TBL3: variants seen among roughly 807,000 people sequenced by gnomAD.
TBL3 encodes the protein transducin beta-like protein 3.
TBL3 carries 71 observed loss-of-function variants against 102.7 expected under a neutral mutation model. The observed-to-expected ratio is 0.69, with a 90% confidence interval of 0.57 to 0.84. The LOEUF (loss-of-function observed/expected upper bound fraction) is 0.84. Ranked by LOEUF, TBL3 falls within the 40% of genes least tolerant of loss-of-function variation. The pLI, the probability that TBL3 is intolerant of heterozygous loss-of-function variation, is 0.00. For synonymous variants in TBL3, 578 were observed against 477.7 expected (o/e 1.21, Z -2.74); for missense variants, 1,188 against 1,098.5 (o/e 1.08, Z -1.15).
At position 1,978,878 on chromosome 16, in the gene TBL3, AGATCCAGCCCGCGGCTCCGCAC is replaced by A; in HGVS notation, c.*195_*216del. 2.8e-6 allele frequency: 3 copies of A among 1,072,656 alleles called. No homozygotes were observed. Among genetic ancestry groups the A allele is most frequent in the Non-Finnish European group, 4.0e-6 (3 of 757,400 alleles). The allele number at this position is 1,072,656 out of a possible 1,614,324, so 66.4% of individuals were successfully genotyped here. On this transcript the variant is annotated 3_prime_UTR_variant, in exon 22 of 22. Transcript: ENST00000568546. Reference sequence around the variant, plus strand: ...CCCATCCCGCACCCTGGCCTGGCAGAGATCCAGCCCGCGGCTCCGCACGCTTAGACGGTGGGGGTCATGCAGA... The same window carrying A: ...CCCATCCCGCACCCTGGCCTGGCAGAGCTTAGACGGTGGGGGTCATGCAGA...
rs761949601 is a variant in TBL3 at position 1,981,195 on chromosome 16, G to T, written c.*2510G>T. 1.5e-5 allele frequency: 25 copies of T among 1,613,460 alleles called. No homozygotes were observed. The highest frequency in any genetic ancestry group is 2.0e-5 in the Non-Finnish European group (24 of 1,179,990). ...GGCCTGCCATGGCTGTGGCTTCCAG[G>T]CTGCAGATTCCTGAAATGGGCGAGG... On this transcript the variant is annotated 3_prime_UTR_variant, in exon 22 of 22. Transcript: ENST00000568546.
At chr16:1,976,748 TG>T (rs1372476901) in intron 13 of TBL3, 65 bp from the exon 14 acceptor site, 3 of 1,590,900 alleles carry the variant, frequency 1.9e-6, no homozygotes, top group East Asian at 4.5e-5. Flanking sequence ...CCTGGCCCTG[TG>T]GGGAGCTGGC....
chr16:1,978,619 C>T lies in TBL3; in HGVS notation c.2361C>T (p.Asn787=). 2 of 1,612,854 alleles carry T rather than the reference C, an allele frequency of 1.2e-6. No homozygotes were observed. The highest frequency in any genetic ancestry group is 1.7e-6 in the Non-Finnish European group (2 of 1,179,884). The change falls in exon 22 of 22, where the codon AAC becomes AAT. Residue 787 remains asparagine, a synonymous_variant. Transcript: ENST00000568546. ...CTTTCTTGGACTTCCTGTGGCACAACATGAAGCTCCCTGTGCCGGCCGCCG... is the reference window on the plus strand; with the variant it reads ...CTTTCTTGGACTTCCTGTGGCACAATATGAAGCTCCCTGTGCCGGCCGCCG... ...AAAFLDFLWH[N]MKLPVPAAAP...
Position 1,981,983 on chromosome 16 carries a change from G to C in TBL3, c.*3298G>C, listed in dbSNP as rs1597060765. The C allele has an allele frequency of 6.6e-6, 1 of 152,070 alleles. No individual in the cohort carries two copies. Among genetic ancestry groups the C allele is most frequent in the African/African-American group, 2.4e-5 (1 of 41,398 alleles). 9.4% of individuals were successfully genotyped at this position (152,070 alleles called of 1,614,324 possible). Reference sequence around the variant, plus strand: ...TTTTGAGAACCACCTCTCAATTCACGATTTGCCATGACTTACTGCAAACAT... The same window carrying C: ...TTTTGAGAACCACCTCTCAATTCACCATTTGCCATGACTTACTGCAAACAT... On this transcript the variant is annotated 3_prime_UTR_variant, in exon 22 of 22. Coordinates refer to ENST00000568546, the MANE Select transcript of TBL3 (RefSeq NM_006453.3).
chr16:1,972,926 G>T (rs2083370801), intron 1 of TBL3, among the ~76,000 whole-genome samples: 1 of 152,146 alleles, frequency 6.6e-6, no homozygotes, highest in African/African-American at 2.4e-5. Context: ...AGCCCAGGCC[G>T]CGTACAGGGA....
rs2083481514 is a variant in TBL3 at position 1,980,484 on chromosome 16, A to G, written c.*1799A>G. 1 of 1,602,606 alleles carries G rather than the reference A, an allele frequency of 6.2e-7. No homozygotes were observed. Among genetic ancestry groups the G allele is most frequent in the Non-Finnish European group, 8.5e-7 (1 of 1,179,764 alleles). On this transcript the variant is annotated 3_prime_UTR_variant, in exon 22 of 22. Transcript: ENST00000568546. ...CAGCAGCCTCCGAGAATAGGTTTCC[A>G]ACAGCTGCAGGCGCGCCAGGCCGCG...
Position 1,979,144 on chromosome 16 carries a change from C to G in TBL3, c.*459C>G. ...CGCCGCTCCAGGGCCCTGCGTGTGACGGTGCAGCAGCGGCTCTGGATGGCG... is the reference window on the plus strand; with the variant it reads ...CGCCGCTCCAGGGCCCTGCGTGTGAGGGTGCAGCAGCGGCTCTGGATGGCG... On this transcript the variant is annotated 3_prime_UTR_variant, in exon 22 of 22. Transcript: ENST00000568546. 2 of 1,467,076 alleles carry G rather than the reference C, an allele frequency of 1.4e-6. No homozygotes were observed. Among genetic ancestry groups the G allele is most frequent in the Non-Finnish European group, 1.8e-6 (2 of 1,120,804 alleles). 90.9% of individuals were successfully genotyped at this position (1,467,076 alleles called of 1,614,324 possible).
Position 1,978,314 on chromosome 16 carries a change from G to C in TBL3, c.2136G>C (p.Glu712Asp). 6.2e-7 allele frequency: 1 copy of C among 1,609,842 alleles called. No individual in the cohort carries two copies. The highest frequency in any genetic ancestry group is 2.2e-5 in the East Asian group (1 of 44,808). The change falls in exon 21 of 22, where the codon GAG (glutamate) becomes GAC (aspartate). Residue 712 changes from glutamate to aspartate, a missense_variant and splice_region_variant. Physicochemically the swap from Glu to Asp is conservative, Grantham distance 45. Coordinates refer to ENST00000568546, the MANE Select transcript of TBL3 (RefSeq NM_006453.3). ...TMLRLRRDQK[E>D]ALLRFCVTWN... ...CGATGAGGGTCCTGTTGCCCACAGA[G>C]GCCCTGCTGCGCTTCTGCGTCACGT...
In TBL3 at chr16:1,981,829, CCT is replaced by C. The variant is rs1567333217; in HGVS notation, c.*3146_*3147del. The stretch of plus-strand genomic sequence containing the variant: ...CTATACATGCTGGGGGAGGGGCAGA[CCT>C]CACAGGCTCACCCCAGGGGTTCCCC... On this transcript the variant is annotated 3_prime_UTR_variant, in exon 22 of 22. Coordinates refer to ENST00000568546, the MANE Select transcript of TBL3 (RefSeq NM_006453.3). The C allele has an allele frequency of 6.6e-6, 1 of 152,596 alleles. No individual in the cohort carries two copies. Among genetic ancestry groups the C allele is most frequent in the East Asian group, 1.9e-4 (1 of 5,190 alleles). 9.5% of individuals were successfully genotyped at this position (152,596 alleles called of 1,614,324 possible).
chr16:1,975,492 C>T (rs768937909), intron 9 of TBL3, 37 bp from the exon 10 acceptor site: 2 of 1,603,794 alleles, frequency 1.2e-6, no homozygotes, highest in South Asian at 2.2e-5. Flanking sequence ...GGCCTGTGGA[C>T]CTGAGAGTCT....
rs375815285 is a variant in TBL3, at chr16:1,974,750, T to C, written c.380-13T>C. ...CTTTGGGCATTCCACCCCCTCACCT[T>C]GCTTCCCCGCAGGTGGCTGTGATGG... On this transcript the variant is annotated splice_polypyrimidine_tract_variant and intron_variant, in intron 5 of 21. Coordinates refer to ENST00000568546, the MANE Select transcript of TBL3 (RefSeq NM_006453.3). The C allele has an allele frequency of 3.1e-6, 5 of 1,612,200 alleles. No individual in the cohort carries two copies. The African/African-American group carries it at 5.3e-5, about 17-fold the overall frequency.
chr16:1,980,526 C>G lies in TBL3; in HGVS notation c.*1841C>G. The G allele has an allele frequency of 6.2e-7, 1 of 1,603,480 alleles. No homozygotes were observed. ...CAGGCCGCGGCTCGTGCGCCCCACG[C>G]GTCCCAACAGTGGTGCATCTTAAGG... is the stretch of plus-strand genomic sequence containing the variant. On this transcript the variant is annotated 3_prime_UTR_variant, in exon 22 of 22. Coordinates refer to ENST00000568546, the MANE Select transcript of TBL3 (RefSeq NM_006453.3).
At chr16:1,976,733 C>T (rs943440818) in intron 13 of TBL3, 81 bp from the exon 14 acceptor site, 3 of 1,571,300 alleles carry the variant, frequency 1.9e-6, no homozygotes, top group Non-Finnish European at 2.6e-6. Context: ...ACCGTGGGCT[C>T]CCAGCCTGGC....
In TBL3 at chr16:1,980,988, C is replaced by A; in HGVS notation, c.*2303C>A. The A allele has an allele frequency of 6.2e-7, 1 of 1,613,284 alleles. No homozygotes were observed. Among genetic ancestry groups the A allele is most frequent in the South Asian group, 1.1e-5 (1 of 91,088 alleles). ...ACTCCTGCGCACGAAGGTGTCGCTG[C>A]CGTCTGACCAGCGCACAGAGAAGGC... On this transcript the variant is annotated 3_prime_UTR_variant, in exon 22 of 22. Coordinates refer to ENST00000568546, the MANE Select transcript of TBL3 (RefSeq NM_006453.3).
intron 1 of TBL3, among the ~76,000 whole-genome samples, chr16:1,972,584 G>T (rs2083368289): frequency 6.6e-6 from 1 of 152,234 alleles, no homozygotes; most frequent in Non-Finnish European, 1.5e-5. Context: ...TTTCATCCGC[G>T]ATCCGTCTTC....
intron 13 of TBL3, among the ~76,000 whole-genome samples, 170 bp from the exon 14 acceptor site, chr16:1,976,644 T>G (rs1320697022): frequency 6.6e-6 from 1 of 151,972 alleles, no homozygotes; most frequent in East Asian, 1.9e-4. Flanking sequence ...GGGTGGACAA[T>G]GTAGACAGGG....
chr16:1,980,059 C>G lies in TBL3; in HGVS notation c.*1374C>G, dbSNP rs1205661057. ...GGCCTGCGCCTGAAAAGGCCTATCC[C>G]GCGTGTCCTGGGTACAGAAGGGCTG... On this transcript the variant is annotated 3_prime_UTR_variant, in exon 22 of 22. Coordinates refer to ENST00000568546, the MANE Select transcript of TBL3 (RefSeq NM_006453.3). 1.2e-6 allele frequency: 2 copies of G among 1,607,432 alleles called. No homozygotes were observed. The highest frequency in any genetic ancestry group is 1.3e-5 in the African/African-American group (1 of 74,872).
At position 1,975,901 on chromosome 16, in the gene TBL3, G is replaced by C; in HGVS notation, c.1081G>C (p.Val361Leu). ...GGCCTCCAATAGCCCCTGCCTAAAA[G>C]TGTTTGAGCTGCAGACGTCAGCCTG... The part of the protein sequence containing the change: ...VVASNSPCLK[V>L]FELQTSACQI... The change falls in exon 11 of 22, where the codon GTG becomes CTG. Residue 361 changes from valine (V) to leucine (L), a missense_variant. Val to Leu is a conservative substitution (Grantham distance 32). Transcript: ENST00000568546. The C allele has an allele frequency of 6.2e-7, 1 of 1,614,150 alleles. No individual in the cohort carries two copies. The highest frequency in any genetic ancestry group is 8.5e-7 in the Non-Finnish European group (1 of 1,180,042).
Position 1,981,371 on chromosome 16 carries a change from G to A in TBL3, c.*2686G>A, listed in dbSNP as rs2083506744. On this transcript the variant is annotated 3_prime_UTR_variant, in exon 22 of 22. Coordinates refer to ENST00000568546, the MANE Select transcript of TBL3 (RefSeq NM_006453.3). ...CTTTCTTGCTGTCCCCCAAGCCCAC[G>A]ATCTGGGGGCAGGAGCACAGGGATT... 10 of 1,375,366 alleles carry A rather than the reference G, an allele frequency of 7.3e-6. No individual in the cohort carries two copies. Among genetic ancestry groups the A allele is most frequent in the African/African-American group, 1.5e-5 (1 of 68,716 alleles). 85.2% of individuals were successfully genotyped at this position (1,375,366 alleles called of 1,614,324 possible).
Sources: allele counts gnomAD v4.1 joint callset (sites outside exome capture counted in the v4.1 genomes callset), GRCh38; gene constraint gnomAD v4.1.1; transcripts MANE v1.5; gene names NCBI Gene and HGNC (gene_info 2026-07-23, HGNC 2026-07-21).